PEAK3: variants seen among roughly 807,000 people sequenced by gnomAD.
PEAK3 encodes protein PEAK3.
A neutral mutation model predicts 13.3 loss-of-function variants in PEAK3; 15 were observed. That is an observed-to-expected ratio of 1.13 (90% CI 0.75 to 1.73). The LOEUF is 1.73. Ranked by LOEUF, PEAK3 falls within the 40% of genes most tolerant of loss-of-function variation. PEAK3 has a pLI of 0.00. For synonymous variants in PEAK3, 347 were observed against 341.9 expected (o/e 1.01, Z -0.17); for missense variants, 739 against 690.2 (o/e 1.07, Z -0.79).
At position 2,278,099 on chromosome 19, in the gene PEAK3, G is replaced by A. The variant is rs369330810; in HGVS notation, c.612+485C>T. ...AGGATGGTCTGTATCTCCTGACCTC[G>A]TGATCTGCCCGCCTCGGCCTCCCAA... On this transcript the variant is annotated intron_variant, in intron 3 of 3. Transcript: ENST00000342063. Among the ~76,000 whole-genome samples, 36 of 148,046 alleles carry A rather than the reference G, an allele frequency of 2.4e-4. 1 individual carries two copies. The highest frequency in any genetic ancestry group is 7.7e-3 in the Middle Eastern group (2 of 260).
chr19:2,275,387 G>C lies in PEAK3; in HGVS notation c.*293C>G. 1 of 300,058 alleles carries C rather than the reference G, an allele frequency of 3.3e-6. No homozygotes were observed. The highest frequency in any genetic ancestry group is 6.2e-6 in the Non-Finnish European group (1 of 161,900). 18.6% of individuals were successfully genotyped at this position (300,058 alleles called of 1,614,324 possible). On this transcript the variant is annotated 3_prime_UTR_variant, in exon 4 of 4. Coordinates refer to ENST00000342063, the MANE Select transcript of PEAK3 (RefSeq NM_198532.3). ...AGAACACAGAGAGACATTGATCAGC[G>C]GGGTTGTCCACACCTGGAAGTGGCG...
chr19:2,277,155 G>C (rs1040255265), intron 3 of PEAK3, among the ~76,000 whole-genome samples: 1 of 152,146 alleles, frequency 6.6e-6, no homozygotes, highest in Non-Finnish European at 1.5e-5. Flanking sequence ...GTTGATTCAC[G>C]TGTTAGTTGC....
At chr19:2,276,761 A>G (rs1271442190) in intron 3 of PEAK3, among the ~76,000 whole-genome samples, 1 of 152,110 alleles carries the variant, frequency 6.6e-6, no homozygotes, top group Non-Finnish European at 1.5e-5. Context: ...GCGGTGGCTC[A>G]CGCCTTCCCA....
Position 2,275,780 on chromosome 19 carries a change from C to T in PEAK3, c.1322G>A (p.Gly441Asp), listed in dbSNP as rs768415038. The T allele has an allele frequency of 3.6e-5, 57 of 1,575,910 alleles. No homozygotes were observed. The highest frequency in any genetic ancestry group is 7.7e-6 in the Non-Finnish European group (9 of 1,165,904). The stretch of plus-strand genomic sequence containing the variant: ...GTCCTCGAGGCTGGGAGCTTCCCCA[C>T]CTGCGGCCCGCTCTGCTAGGCGCAG... ...LVLRLAERAA[G>D]GEAPSLEDWL... The change falls in exon 4 of 4, where the codon GGT (glycine) becomes GAT (aspartate). Residue 441 changes from glycine to aspartate, a missense_variant. Physicochemically the swap from Gly to Asp is moderately conservative, Grantham distance 94 (BLOSUM62 -1). Coordinates refer to ENST00000342063, the MANE Select transcript of PEAK3 (RefSeq NM_198532.3).
chr19:2,275,883 G>C lies in PEAK3; in HGVS notation c.1219C>G (p.Arg407Gly). 7.0e-7 allele frequency: 1 copy of C among 1,426,500 alleles called. No homozygotes were observed. The highest frequency in any genetic ancestry group is 9.1e-7 in the Non-Finnish European group (1 of 1,097,576). 88.4% of individuals were successfully genotyped at this position (1,426,500 alleles called of 1,614,324 possible). Reference protein sequence around the residue: ...ALLWGPGPELRGRGAPLGPWL... With the variant: ...ALLWGPGPELGGRGAPLGPWL... Reference sequence around the variant, plus strand: ...GGACCAAGCGGTGCTCCGCGGCCGCGCAGCTCAGGCCCGGGCCCCCAGAGC... The same window carrying C: ...GGACCAAGCGGTGCTCCGCGGCCGCCCAGCTCAGGCCCGGGCCCCCAGAGC... The change falls in exon 4 of 4, where the codon CGC (arginine) becomes GGC (glycine). Residue 407 changes from arginine (R) to glycine (G), a missense_variant. Physicochemically the swap from Arg to Gly is moderately radical, Grantham distance 125. Transcript: ENST00000342063.
chr19:2,279,375 G>A (rs774443736), intron 2 of PEAK3, among the ~76,000 whole-genome samples: 1 of 152,090 alleles, frequency 6.6e-6, no homozygotes, highest in African/African-American at 2.4e-5. Context: ...TGCCGGACGC[G>A]GCCATGCACA....
Position 2,275,996 on chromosome 19 carries a change from G to A in PEAK3, c.1106C>T (p.Pro369Leu), listed in dbSNP as rs2025382309. ...LLSLAAPSTTPLAAGLELLAA... is the reference protein window; with the variant it reads ...LLSLAAPSTTLLAAGLELLAA... Reference sequence around the variant, plus strand: ...CAGGAGCTCCAGGCCCGCGGCCAAAGGCGTGGTCGAGGGCGCAGCAAGGCT... The same window carrying A: ...CAGGAGCTCCAGGCCCGCGGCCAAAAGCGTGGTCGAGGGCGCAGCAAGGCT... The change falls in exon 4 of 4, where the codon CCT becomes CTT. Residue 369 changes from proline to leucine, a missense_variant. Coordinates refer to ENST00000342063, the MANE Select transcript of PEAK3 (RefSeq NM_198532.3). The A allele has an allele frequency of 7.1e-7, 1 of 1,414,322 alleles. No homozygotes were observed. The highest frequency in any genetic ancestry group is 2.9e-5 in the East Asian group (1 of 34,340). 87.6% of individuals were successfully genotyped at this position (1,414,322 alleles called of 1,614,324 possible). A position where few individuals can be genotyped will look rare whatever the true frequency, so the allele number is the denominator to read the frequency against.
rs1196192019 is a variant in PEAK3 at position 2,276,032 on chromosome 19, C to G, written c.1070G>C (p.Arg357Pro). ...GGGCGCAGCAAGGCTGAGCAGCGCT[C>G]GGAGGAGGCTGCCCAGCTGCGGCGC... ...PHAPQLGSLL[R>P]ALLSLAAPST... The change falls in exon 4 of 4, where the codon CGA becomes CCA. Residue 357 changes from arginine (R) to proline (P), a missense_variant. By Grantham distance (103) the Arg-to-Pro change is moderately radical. Coordinates refer to ENST00000342063, the MANE Select transcript of PEAK3 (RefSeq NM_198532.3). The G allele has an allele frequency of 4.2e-6, 6 of 1,435,358 alleles. No individual in the cohort carries two copies. The African/African-American group carries it at 4.5e-5, about 11-fold the overall frequency. The allele number at this position is 1,435,358 out of a possible 1,614,324, so 88.9% of individuals were successfully genotyped here. A position where few individuals can be genotyped will look rare whatever the true frequency, so the allele number is the denominator to read the frequency against.
chr19:2,276,307 C>A lies in PEAK3; in HGVS notation c.795G>T (p.Trp265Cys), dbSNP rs943107928. Reference protein sequence around the residue: ...AEVPERTVAQWLAEACTQPPE... With the variant: ...AEVPERTVAQCLAEACTQPPE... ...GCGGCTGCGTGCAGGCCTCCGCCAG[C>A]CACTGCGCCACCGTGCGCTCTGGAA... Residue 265 changes from tryptophan to cysteine, a missense_variant, in exon 4 of 4, where the codon TGG becomes TGT. Trp to Cys is a radical substitution (Grantham distance 215). Transcript: ENST00000342063. 1.0e-5 allele frequency: 16 copies of A among 1,597,606 alleles called. No individual in the cohort carries two copies. Among genetic ancestry groups the A allele is most frequent in the African/African-American group, 2.7e-5 (2 of 74,802 alleles).
In PEAK3 at chr19:2,274,994, A is replaced by AGTATG. The variant is rs2025370810; in HGVS notation, c.*685_*686insCATAC. On this transcript the variant is annotated 3_prime_UTR_variant, in exon 4 of 4. Transcript: ENST00000342063. The stretch of plus-strand genomic sequence containing the variant: ...ACTGGAACAGTATGGCAGAGGGAAC[A>AGTATG]GCCTACACAAATGCTTGGGGGCGCG... 1 of 134,772 alleles carries AGTATG rather than the reference A, an allele frequency of 7.4e-6. No individual in the cohort carries two copies. The highest frequency in any genetic ancestry group is 1.7e-5 in the Non-Finnish European group (1 of 59,608). The allele number at this position is 134,772 out of a possible 1,614,324, so 8.3% of individuals were successfully genotyped here. A position where few individuals can be genotyped will look rare whatever the true frequency, so the allele number is the denominator to read the frequency against.
chr19:2,276,954 G>A (rs771821847), intron 3 of PEAK3, among the ~76,000 whole-genome samples: 7 of 152,130 alleles, frequency 4.6e-5, no homozygotes, highest in Non-Finnish European at 1.0e-4. Context: ...GGAGGTTGCA[G>A]TGAGCCGAGA....
chr19:2,277,772 G>A (rs951166190), intron 3 of PEAK3, among the ~76,000 whole-genome samples: 9 of 151,188 alleles, frequency 6.0e-5, no homozygotes, highest in African/African-American at 1.9e-4. Context: ...TCACTATGTT[G>A]GCCAGGCTGG....
chr19:2,276,312 G>A lies in PEAK3; in HGVS notation c.790C>T (p.Gln264Ter), dbSNP rs974898244. 6.3e-7 allele frequency: 1 copy of A among 1,597,930 alleles called. No homozygotes were observed. Residue 264 changes from glutamine (Q) to a stop codon, truncating the protein, a stop_gained, in exon 4 of 4, where the codon CAG (glutamine) becomes TAG (stop). Coordinates refer to ENST00000342063, the MANE Select transcript of PEAK3 (RefSeq NM_198532.3). LOFTEE classifies it low-confidence loss of function (END_TRUNC). ...AAEVPERTVA[Q>*]WLAEACTQPP... ...TGCGTGCAGGCCTCCGCCAGCCACT[G>A]CGCCACCGTGCGCTCTGGAACCTCG...
chr19:2,275,672 G>A lies in PEAK3; in HGVS notation c.*8C>T. The A allele has an allele frequency of 6.9e-7, 1 of 1,456,698 alleles. No individual in the cohort carries two copies. Among genetic ancestry groups the A allele is most frequent in the Non-Finnish European group, 9.1e-7 (1 of 1,099,930 alleles). The allele number at this position is 1,456,698 out of a possible 1,614,324, so 90.2% of individuals were successfully genotyped here. On this transcript the variant is annotated 3_prime_UTR_variant, in exon 4 of 4. Transcript: ENST00000342063. ...GCCTGGACCAGGTGTGTTCGCCCTG[G>A]GTTGGGGTCAGTCCCACAGCAGCGC... is the stretch of plus-strand genomic sequence containing the variant.
chr19:2,278,010 C>CCCA (rs2025406167), intron 3 of PEAK3, among the ~76,000 whole-genome samples: 1 of 151,698 alleles, frequency 6.6e-6, no homozygotes, highest in South Asian at 2.1e-4. Context: ...ACTACAGGTG[C>CCCA]CCACCACCAC....
chr19:2,278,046 G>C (rs1311223486), intron 3 of PEAK3, among the ~76,000 whole-genome samples: 1 of 149,634 alleles, frequency 6.7e-6, no homozygotes, highest in Non-Finnish European at 1.5e-5. Flanking sequence ...TGTCTTTTTA[G>C]TAGAAACAGG....
At chr19:2,279,522 G>C (rs1303433162) in intron 2 of PEAK3, among the ~76,000 whole-genome samples, 2 of 151,928 alleles carry the variant, frequency 1.3e-5, no homozygotes, top group Non-Finnish European at 2.9e-5. Context: ...CGGGCTTGGT[G>C]GTGGGCGCCT....
Position 2,278,632 on chromosome 19 carries a change from G to A in PEAK3, c.564C>T (p.Tyr188=), listed in dbSNP as rs776876269. The A allele has an allele frequency of 1.1e-5, 16 of 1,503,804 alleles. No individual in the cohort carries two copies. Among genetic ancestry groups the A allele is most frequent in the East Asian group, 2.3e-5 (1 of 43,472 alleles). The allele number at this position is 1,503,804 out of a possible 1,614,324, so 93.2% of individuals were successfully genotyped here. ...PCAESGDALY[Y]RVVRAHEDAW... ...CGTCCTCGTGCGCGCGCACCACGCG[G>A]TAATACAGGGCGTCCCCGCTCTCTG... Residue 188 remains tyrosine (Y), a synonymous_variant, in exon 3 of 4, where the codon TAC becomes TAT. Coordinates refer to ENST00000342063, the MANE Select transcript of PEAK3 (RefSeq NM_198532.3).
chr19:2,276,098 C>G lies in PEAK3; in HGVS notation c.1004G>C (p.Cys335Ser). 6.7e-7 allele frequency: 1 copy of G among 1,503,138 alleles called. No individual in the cohort carries two copies. Among genetic ancestry groups the G allele is most frequent in the Non-Finnish European group, 8.9e-7 (1 of 1,123,478 alleles). The allele number at this position is 1,503,138 out of a possible 1,614,324, so 93.1% of individuals were successfully genotyped here. A position where few individuals can be genotyped will look rare whatever the true frequency, so the allele number is the denominator to read the frequency against. The change falls in exon 4 of 4, where the codon TGT (cysteine) becomes TCT (serine). Residue 335 changes from cysteine (C) to serine (S), a missense_variant. Coordinates refer to ENST00000342063, the MANE Select transcript of PEAK3 (RefSeq NM_198532.3). ...RLLLTDFGRV[C>S]LQPPGPPGSP... ...TCCCGGGGGTCCAGGGGGCTGCAGA[C>G]AGACGCGGCCAAAGTCAGTGAGGAG... is the stretch of plus-strand genomic sequence containing the variant.
Sources: gnomAD v4.1 joint callset for allele counts (sites outside exome capture counted in the v4.1 genomes callset) on GRCh38, gnomAD v4.1.1 for gene constraint, MANE v1.5 for transcripts, NCBI Gene and HGNC (gene_info 2026-07-23, HGNC 2026-07-21) for gene names.